Variants in KLHL32 observed in about 807,000 individuals in gnomAD.
KLHL32 encodes the protein kelch-like protein 32.
In KLHL32, 35 loss-of-function variants were observed where a neutral mutation model predicts 64.8. The observed-to-expected ratio is 0.54, with a 90% CI of 0.41 to 0.72. The LOEUF is 0.72. KLHL32 is among the 30% of genes least tolerant of loss of function. The pLI is 0.00. For missense variants in KLHL32, 589 were observed against 768.5 expected (o/e 0.77, Z 2.76); for synonymous variants, 259 against 281.0 (o/e 0.92, Z 0.78).
At chr6:97,081,950 G>T (rs988472261) in intron 5 of KLHL32, among the ~76,000 whole-genome samples, 7 of 152,054 alleles carry the variant, frequency 4.6e-5, no homozygotes, top group East Asian at 3.9e-4. Flanking sequence ...TGTGAAGATC[G>T]CAGTGCCCCG....
intron 1 of KLHL32, among the ~76,000 whole-genome samples, chr6:96,936,636 A>G (rs1770636855): frequency 6.6e-6 from 1 of 152,236 alleles, no homozygotes. Flanking sequence ...AAATCATTGC[A>G]GCAGATCCCC....
intron 3 of KLHL32, among the ~76,000 whole-genome samples, chr6:97,031,440 A>T (rs1332029584): frequency 7.2e-5 from 11 of 151,750 alleles, no homozygotes; most frequent in Admixed American, 6.6e-4. Context: ...GGGTCAAGTG[A>T]TCCTCCTGCC....
chr6:96,902,685 T>TATA, the KLHL32 span, among the ~76,000 whole-genome samples: 1 of 152,214 alleles, frequency 6.6e-6, no homozygotes, highest in Non-Finnish European at 1.5e-5. Flanking sequence ...TGAATGGTAT[T>TATA]GCCTAGGTTT....
intron 4 of KLHL32, among the ~76,000 whole-genome samples, chr6:97,043,431 G>A (rs560637861): frequency 6.8e-6 from 1 of 147,234 alleles, no homozygotes; most frequent in South Asian, 2.1e-4. Context: ...GCAGTATGTT[G>A]TGTATACATA....
At chr6:97,111,746 AAAC>A (rs1317346188) in intron 6 of KLHL32, among the ~76,000 whole-genome samples, 1 of 152,204 alleles carries the variant, frequency 6.6e-6, no homozygotes, top group Admixed American at 6.5e-5. Flanking sequence ...GAAGTCACAC[AAAC>A]AAGATGAAGA....
intron 3 of KLHL32, among the ~76,000 whole-genome samples, chr6:96,991,944 C>T (rs1022640571): frequency 6.6e-6 from 1 of 152,178 alleles, no homozygotes; most frequent in African/African-American, 2.4e-5. Flanking sequence ...TCCCTAATCA[C>T]TGTGCTCCCT....
chr6:97,029,423 G>T (rs994981267), intron 3 of KLHL32, among the ~76,000 whole-genome samples: 3 of 152,134 alleles, frequency 2.0e-5, no homozygotes, highest in African/African-American at 7.2e-5. Context: ...TAAGGTGAGG[G>T]AAAATTGGTA....
At chr6:97,019,755 A>T (rs146077052) in intron 3 of KLHL32, among the ~76,000 whole-genome samples, 1 of 152,106 alleles carries the variant, frequency 6.6e-6, no homozygotes, top group Non-Finnish European at 1.5e-5. Context: ...AAAAGCAGAC[A>T]TTCATGAAAC....
intron 3 of KLHL32, among the ~76,000 whole-genome samples, chr6:96,989,794 A>AT (rs958780387): frequency 6.6e-6 from 1 of 151,872 alleles, no homozygotes; most frequent in Admixed American, 6.6e-5. Flanking sequence ...GGATTTACTC[A>AT]TTTTTTAAAC....
intron 1 of KLHL32, among the ~76,000 whole-genome samples, chr6:96,963,762 C>T (rs1173538174): frequency 6.6e-6 from 1 of 152,178 alleles, no homozygotes; most frequent in African/African-American, 2.4e-5. Flanking sequence ...TCAATAAATT[C>T]TCTGTTCACC....
chr6:97,060,571 A>G (rs1788713217), intron 4 of KLHL32, among the ~76,000 whole-genome samples: 1 of 151,982 alleles, frequency 6.6e-6, no homozygotes, highest in Admixed American at 6.6e-5. Context: ...CTTTCACCGG[A>G]TTCTGGCCCC....
chr6:96,981,514 T>G (rs1049076118), intron 3 of KLHL32, among the ~76,000 whole-genome samples: 1 of 152,172 alleles, frequency 6.6e-6, no homozygotes, highest in African/African-American at 2.4e-5. Context: ...CCTAGTTCCA[T>G]TGATCTTTTA....
chr6:96,965,190 A>G (rs1228551681), intron 1 of KLHL32, among the ~76,000 whole-genome samples: 1 of 152,172 alleles, frequency 6.6e-6, no homozygotes, highest in Non-Finnish European at 1.5e-5. Flanking sequence ...TCTTTTTTAC[A>G]GCTATTAATA....
At chr6:97,069,101 A>T (rs546507819) in intron 5 of KLHL32, among the ~76,000 whole-genome samples, 3 of 152,294 alleles carry the variant, frequency 2.0e-5, no homozygotes, top group South Asian at 4.1e-4. Flanking sequence ...GATTGAAGGC[A>T]TTGTTCTGTT....
chr6:96,982,178 G>A (rs1026825568), intron 3 of KLHL32, among the ~76,000 whole-genome samples: 4 of 152,048 alleles, frequency 2.6e-5, no homozygotes, highest in African/African-American at 7.2e-5. Context: ...TTATTATGTG[G>A]TTATTTAAGT....
At chr6:97,008,517 C>T (rs1011244426) in intron 3 of KLHL32, among the ~76,000 whole-genome samples, 15 of 151,910 alleles carry the variant, frequency 9.9e-5, no homozygotes, top group African/African-American at 3.6e-4. Context: ...CCATTGCAGC[C>T]ACTCCCATGC....
chr6:96,937,850 C>T (rs920636306), intron 1 of KLHL32, among the ~76,000 whole-genome samples: 1 of 152,156 alleles, frequency 6.6e-6, no homozygotes, highest in Non-Finnish European at 1.5e-5. Context: ...TGGCTTCCAT[C>T]ATGTCACTCT....
At chr6:97,097,097 T>C (rs1795089325) in intron 6 of KLHL32, among the ~76,000 whole-genome samples, 1 of 152,172 alleles carries the variant, frequency 6.6e-6, no homozygotes, top group African/African-American at 2.4e-5. Context: ...AAACATTCTT[T>C]CAGTGGTGCT....
intron 1 of KLHL32, among the ~76,000 whole-genome samples, chr6:96,943,476 C>A (rs1582422815): frequency 6.6e-6 from 1 of 152,134 alleles, no homozygotes; most frequent in African/African-American, 2.4e-5. Flanking sequence ...ACTGCTGACC[C>A]CCAATGTTGG....
Sources: gnomAD v4.1 joint callset for allele counts (sites outside exome capture counted in the v4.1 genomes callset) on GRCh38, gnomAD v4.1.1 for gene constraint, MANE v1.5 for transcripts, NCBI Gene and HGNC (gene_info 2026-07-23, HGNC 2026-07-21) for gene names.